RPSA2: variants seen among roughly 807,000 people sequenced by gnomAD.
RPSA2 encodes small ribosomal subunit protein uS2B.
chr19:23,843,239 T>C, the RPSA2 span: 2 of 262,652 alleles, frequency 7.6e-6, no homozygotes, highest in Middle Eastern at 5.3e-4. Flanking sequence ...AGAACCCTGG[T>C]ATGTAAAGAG....
the RPSA2 span, among the ~76,000 whole-genome samples, chr19:23,775,318 G>A: frequency 6.6e-6 from 1 of 152,176 alleles, no homozygotes; most frequent in African/African-American, 2.4e-5. Context: ...GGCAACAGCT[G>A]AGGTGGTGAC....
the RPSA2 span, among the ~76,000 whole-genome samples, chr19:23,855,334 A>T: frequency 6.6e-6 from 1 of 152,206 alleles, no homozygotes; most frequent in Non-Finnish European, 1.5e-5. Flanking sequence ...AGTCTAAAGG[A>T]AGCAGAATGA....
At chr19:23,795,552 T>TA in the RPSA2 span, among the ~76,000 whole-genome samples, 1 of 152,216 alleles carries the variant, frequency 6.6e-6, no homozygotes, top group East Asian at 1.9e-4. Context: ...AAGTTGTCTG[T>TA]AAGTTTAAAG....
chr19:23,816,736 G>A, the RPSA2 span, among the ~76,000 whole-genome samples: 1 of 152,202 alleles, frequency 6.6e-6, no homozygotes, highest in East Asian at 1.9e-4. Context: ...TGTGATTGAA[G>A]AGACCTCACA....
At chr19:23,831,809 TGTG>T in the RPSA2 span, 1 of 305,216 alleles carries the variant, frequency 3.3e-6, no homozygotes, top group South Asian at 3.9e-5. Context: ...AGTATTTCAA[TGTG>T]GTAAATGTTT....
the RPSA2 span, among the ~76,000 whole-genome samples, chr19:23,858,216 C>T: frequency 7.6e-6 from 1 of 131,984 alleles, no homozygotes. Flanking sequence ...TTGTGTTGGT[C>T]ATTGAAAGCC....
At chr19:23,759,410 C>A in the RPSA2 span, among the ~76,000 whole-genome samples, 1 of 151,694 alleles carries the variant, frequency 6.6e-6, no homozygotes, top group African/African-American at 2.4e-5. Context: ...AGGGTAGGAG[C>A]CACCTTACAC....
the RPSA2 span, among the ~76,000 whole-genome samples, chr19:23,863,353 C>G: frequency 6.6e-6 from 1 of 152,086 alleles, no homozygotes; most frequent in Admixed American, 6.6e-5. Context: ...CACCTAAGGT[C>G]AAGAGTTCAA....
chr19:23,793,796 C>T, the RPSA2 span, among the ~76,000 whole-genome samples: 12 of 152,166 alleles, frequency 7.9e-5, no homozygotes, highest in East Asian at 1.7e-3. Flanking sequence ...GAATTCCTGA[C>T]GTGGTGATCT....
the RPSA2 span, among the ~76,000 whole-genome samples, chr19:23,863,367 C>A: frequency 6.6e-6 from 1 of 152,052 alleles, no homozygotes; most frequent in East Asian, 1.9e-4. Flanking sequence ...AGTTCAAGAC[C>A]AGCCTGGCCA....
the RPSA2 span, among the ~76,000 whole-genome samples, chr19:23,852,665 C>A: frequency 6.6e-6 from 1 of 152,140 alleles, no homozygotes; most frequent in Non-Finnish European, 1.5e-5. Context: ...TCCCATAAAC[C>A]CACATCCTTT....
At chr19:23,837,945 G>A in the RPSA2 span, among the ~76,000 whole-genome samples, 1 of 151,986 alleles carries the variant, frequency 6.6e-6, no homozygotes, top group African/African-American at 2.4e-5. Flanking sequence ...TTTATTTCTT[G>A]TCTTATTGCT....
chr19:23,854,351 A>G, the RPSA2 span, among the ~76,000 whole-genome samples: 1 of 152,222 alleles, frequency 6.6e-6, no homozygotes, highest in African/African-American at 2.4e-5. Context: ...ACAGAGATCT[A>G]CTGCTCCACC....
chr19:23,827,956 A>C, the RPSA2 span: 1 of 909,698 alleles, frequency 1.1e-6, no homozygotes, highest in Non-Finnish European at 1.7e-6. Flanking sequence ...TCCCTACTGA[A>C]GACTGGAGCG....
the RPSA2 span, among the ~76,000 whole-genome samples, chr19:23,864,628 T>A: frequency 6.6e-6 from 1 of 152,174 alleles, no homozygotes; most frequent in African/African-American, 2.4e-5. Flanking sequence ...TATATATTCA[T>A]CACCACAAAT....
the RPSA2 span, among the ~76,000 whole-genome samples, chr19:23,863,419 C>T: frequency 6.6e-6 from 1 of 151,998 alleles, no homozygotes. Context: ...CAACAATTAG[C>T]CAGGCATCGT....
At chr19:23,866,780 C>G in the RPSA2 span, among the ~76,000 whole-genome samples, 3 of 152,142 alleles carry the variant, frequency 2.0e-5, no homozygotes, top group African/African-American at 7.2e-5. Flanking sequence ...GATATCCCCA[C>G]CAGAGATAGA....
chr19:23,832,935 TA>T, the RPSA2 span: 2 of 1,516,978 alleles, frequency 1.3e-6, no homozygotes, highest in Middle Eastern at 1.8e-4. Context: ...CAAGCTTTAC[TA>T]AACATAAGGT....
the RPSA2 span, among the ~76,000 whole-genome samples, chr19:23,781,123 T>C: frequency 6.6e-6 from 1 of 152,056 alleles, no homozygotes; most frequent in Non-Finnish European, 1.5e-5. Flanking sequence ...TACCGGTGCA[T>C]GCCACAATGC....
Sources: gnomAD v4.1 joint callset for allele counts (sites outside exome capture counted in the v4.1 genomes callset) on GRCh38, gnomAD v4.1.1 for gene constraint, MANE v1.5 for transcripts, NCBI Gene and HGNC (gene_info 2026-07-23, HGNC 2026-07-21) for gene names.